SPIRE1: variants seen among roughly 807,000 people sequenced by gnomAD.
SPIRE1 encodes the protein protein spire homolog 1.
Under a neutral mutation model 94.1 loss-of-function variants are expected in SPIRE1, and 40 were observed. That is an observed-to-expected ratio of 0.43 (90% CI 0.33 to 0.55). The LOEUF (loss-of-function observed/expected upper bound fraction) is 0.55. SPIRE1 is among the 20% of genes least tolerant of loss of function. The pLI is 0.06. For missense variants in SPIRE1, 838 were observed against 975.2 expected (o/e 0.86, Z 1.87); for synonymous variants, 376 against 371.7 (o/e 1.01, Z -0.13).
intron 2 of SPIRE1, among the ~76,000 whole-genome samples, chr18:12,550,594 T>C (rs2035320077): frequency 6.6e-6 from 1 of 152,068 alleles, no homozygotes; most frequent in Non-Finnish European, 1.5e-5. Flanking sequence ...ACCCCTGGGC[T>C]CGAGCAATCC....
At position 12,657,789 on chromosome 18, in the gene SPIRE1, G is replaced by C. The variant is rs563215443; in HGVS notation, c.78C>G (p.Pro26=). 1 of 1,291,534 alleles carries C rather than the reference G, an allele frequency of 7.7e-7. No homozygotes were observed. The highest frequency in any genetic ancestry group is 9.8e-7 in the Non-Finnish European group (1 of 1,016,818). The allele number at this position is 1,291,534 out of a possible 1,614,324, so 80.0% of individuals were successfully genotyped here. The change falls in exon 1 of 17, where the codon CCC becomes CCG. Residue 26 remains proline, a synonymous_variant. Coordinates refer to ENST00000409402, the MANE Select transcript of SPIRE1 (RefSeq NM_001128626.2). ...EAVGGEGPRE[P]GAAGGAAGGS... is the part of the protein sequence containing the mutation. ...CCCCGGCCGCGCCGCCGGCTGCCCC[G>C]GGCTCCCGCGGCCCCTCGCCGCCCA...
At chr18:12,657,476 G>C in intron 1 of SPIRE1, 54 bp downstream of exon 1, 1 of 1,204,016 alleles carries the variant, frequency 8.3e-7, no homozygotes, top group Non-Finnish European at 1.0e-6. Flanking sequence ...GGGTAAGGCG[G>C]CCCAGCCGCG....
chr18:12,554,991 T>C (rs1342056671), intron 2 of SPIRE1, among the ~76,000 whole-genome samples: 1 of 152,062 alleles, frequency 6.6e-6, no homozygotes, highest in Non-Finnish European at 1.5e-5. Context: ...AGAGTTCAAA[T>C]CCCCCACCCA....
chr18:12,619,132 G>A (rs1206880271), intron 2 of SPIRE1, among the ~76,000 whole-genome samples: 1 of 152,008 alleles, frequency 6.6e-6, no homozygotes, highest in Non-Finnish European at 1.5e-5. Context: ...CCAACCTCAG[G>A]TGATCCGCCC....
At chr18:12,634,012 G>C (rs2037851189) in intron 2 of SPIRE1, among the ~76,000 whole-genome samples, 1 of 152,138 alleles carries the variant, frequency 6.6e-6, no homozygotes, top group South Asian at 2.1e-4. Context: ...ACTTTGGGAG[G>C]CCGAGGCGGG....
intron 2 of SPIRE1, among the ~76,000 whole-genome samples, chr18:12,605,099 T>C (rs560372280): frequency 1.3e-5 from 2 of 152,298 alleles, no homozygotes; most frequent in South Asian, 4.1e-4. Context: ...GGGGAGTTGT[T>C]ATATAATGGG....
chr18:12,646,033 G>A (rs569888364), intron 1 of SPIRE1, among the ~76,000 whole-genome samples: 7 of 152,204 alleles, frequency 4.6e-5, no homozygotes, highest in Admixed American at 2.0e-4. Flanking sequence ...TTACGAATTC[G>A]GCAGCAAAAA....
intron 2 of SPIRE1, among the ~76,000 whole-genome samples, chr18:12,556,895 T>C (rs1234309437): frequency 6.6e-6 from 1 of 152,076 alleles, no homozygotes; most frequent in Non-Finnish European, 1.5e-5. Flanking sequence ...GGCAGCCTGC[T>C]TTTATTCCCT....
At chr18:12,450,097 T>C (rs1598878560) in intron 16 of SPIRE1, among the ~76,000 whole-genome samples, 1 of 151,898 alleles carries the variant, frequency 6.6e-6, no homozygotes, top group South Asian at 2.1e-4. Context: ...GTAGGAGGCC[T>C]AGTGCGGTGG....
chr18:12,580,818 G>A (rs537635088), intron 2 of SPIRE1, among the ~76,000 whole-genome samples: 4 of 152,226 alleles, frequency 2.6e-5, no homozygotes, highest in South Asian at 2.1e-4. Context: ...GGAGGCGGGC[G>A]GATTGCTTGG....
chr18:12,657,237 G>A (rs1473321831), intron 1 of SPIRE1, among the ~76,000 whole-genome samples: 1 of 147,804 alleles, frequency 6.8e-6, no homozygotes, highest in Non-Finnish European at 1.5e-5. Flanking sequence ...GCTGTCCCGC[G>A]GGCAGCACAA....
At chr18:12,601,835 T>C (rs1027281916) in intron 2 of SPIRE1, among the ~76,000 whole-genome samples, 12 of 152,196 alleles carry the variant, frequency 7.9e-5, no homozygotes, top group African/African-American at 2.9e-4. Context: ...CTCCATGGCA[T>C]GGCTGCACCA....
chr18:12,484,300 A>G (rs896064408), intron 9 of SPIRE1, among the ~76,000 whole-genome samples: 1 of 152,224 alleles, frequency 6.6e-6, no homozygotes, highest in Non-Finnish European at 1.5e-5. Flanking sequence ...AGTGACATAT[A>G]TATTACTATG....
intron 1 of SPIRE1, among the ~76,000 whole-genome samples, chr18:12,654,198 A>G (rs1394328280): frequency 2.7e-5 from 4 of 149,252 alleles, no homozygotes; most frequent in Admixed American, 6.7e-5. Context: ...TTAGCTGGGC[A>G]TGGTGGTACA....
intron 3 of SPIRE1, among the ~76,000 whole-genome samples, chr18:12,538,405 C>G (rs1338169143): frequency 3.3e-5 from 5 of 152,114 alleles, no homozygotes; most frequent in Non-Finnish European, 5.9e-5. Context: ...TATGTAACCT[C>G]TTATATAAAT....
intron 2 of SPIRE1, among the ~76,000 whole-genome samples, chr18:12,576,466 C>A (rs1321527565): frequency 3.3e-5 from 5 of 150,900 alleles, no homozygotes; most frequent in African/African-American, 7.3e-5. Context: ...CCTGTAATCC[C>A]AGCACTTTGG....
Position 12,597,893 on chromosome 18 carries a change from C to T in SPIRE1, c.372+37169G>A, listed in dbSNP as rs573645356. Among the ~76,000 whole-genome samples, 3 of 152,296 alleles carry T rather than the reference C, an allele frequency of 2.0e-5. No individual in the cohort carries two copies. The South Asian group carries it at 6.2e-4, about 32-fold the overall frequency. On this transcript the variant is annotated intron_variant, in intron 2 of 16. Coordinates refer to ENST00000409402, the MANE Select transcript of SPIRE1 (RefSeq NM_001128626.2). ...TAGGCCCTGGACTGCCCCAGCTCAC[C>T]CCCATCCACTCATGTCTAGATGTAA...
At position 12,449,514 on chromosome 18, in the gene SPIRE1, A is replaced by G. The variant is rs2031115262; in HGVS notation, c.*124T>C. 9.6e-7 allele frequency: 1 copy of G among 1,037,022 alleles called. No homozygotes were observed. The highest frequency in any genetic ancestry group is 1.4e-6 in the Non-Finnish European group (1 of 724,202). The allele number at this position is 1,037,022 out of a possible 1,614,324, so 64.2% of individuals were successfully genotyped here. A position where few individuals can be genotyped will look rare whatever the true frequency, so the allele number is the denominator to read the frequency against. ...TCTGTGGAACAATGTGATGCGGCAAAAATCTGATCTAATGCAAATTCAAGC... is the reference window on the plus strand; with the variant it reads ...TCTGTGGAACAATGTGATGCGGCAAGAATCTGATCTAATGCAAATTCAAGC... On this transcript the variant is annotated 3_prime_UTR_variant, in exon 17 of 17. Coordinates refer to ENST00000409402, the MANE Select transcript of SPIRE1 (RefSeq NM_001128626.2).
intron 4 of SPIRE1, among the ~76,000 whole-genome samples, chr18:12,527,103 T>C (rs1240029975): frequency 2.6e-5 from 4 of 152,194 alleles, no homozygotes; most frequent in Non-Finnish European, 5.9e-5. Flanking sequence ...CACTAGGCTT[T>C]GTGATGTCTC....
Sources: allele counts gnomAD v4.1 joint callset (sites outside exome capture counted in the v4.1 genomes callset), GRCh38; gene constraint gnomAD v4.1.1; transcripts MANE v1.5; gene names NCBI Gene and HGNC (gene_info 2026-07-23, HGNC 2026-07-21).